CHMP6: variants seen among roughly 807,000 people sequenced by gnomAD.
The protein encoded by CHMP6 is charged multivesicular body protein 6.
A neutral mutation model predicts 32.8 loss-of-function variants in CHMP6; 10 were observed. That is an observed-to-expected ratio of 0.30 (90% confidence interval 0.19 to 0.52). The LOEUF (loss-of-function observed/expected upper bound fraction) is 0.52, where lower values mean the gene tolerates loss of function less well. CHMP6 is among the 20% of genes least tolerant of loss of function. The pLI, the probability that CHMP6 is intolerant of heterozygous loss-of-function variation, is 0.97. For synonymous variants in CHMP6, 123 were observed against 105.8 expected (o/e 1.16, Z -1.00); for missense variants, 269 against 263.8 (o/e 1.02, Z -0.14).
intron 1 of CHMP6, among the ~76,000 whole-genome samples, chr17:80,992,475 C>T (rs1022766596): frequency 1.3e-5 from 2 of 152,214 alleles, no homozygotes; most frequent in Admixed American, 6.5e-5. Flanking sequence ...CGAGGCAGCG[C>T]GGGGCATCCC....
chr17:80,992,917 G>T (rs2069605437), intron 1 of CHMP6, among the ~76,000 whole-genome samples: 1 of 152,214 alleles, frequency 6.6e-6, no homozygotes, highest in Admixed American at 6.5e-5. Flanking sequence ...GTAAATGAAA[G>T]AGGGAATCTT....
chr17:80,997,910 C>T (rs907160085), intron 6 of CHMP6, among the ~76,000 whole-genome samples: 2 of 152,226 alleles, frequency 1.3e-5, no homozygotes, highest in African/African-American at 2.4e-5. Context: ...CCTGAGGGTC[C>T]GAGTCCTCCG....
At chr17:80,997,145 C>T (rs1046676108) in intron 5 of CHMP6, 73 bp downstream of exon 5, 3 of 1,603,734 alleles carry the variant, frequency 1.9e-6, no homozygotes, top group Middle Eastern at 1.8e-4. Flanking sequence ...CCAAACTGTC[C>T]CACATCCTAG....
chr17:80,997,726 A>C (rs2069651538), intron 6 of CHMP6, among the ~76,000 whole-genome samples: 1 of 151,434 alleles, frequency 6.6e-6, no homozygotes, highest in Non-Finnish European at 1.5e-5. Context: ...CTGAGTCTGT[A>C]TTCACTCCCC....
Position 80,999,285 on chromosome 17 carries a change from C to G in CHMP6, c.*132C>G. 1.0e-6 allele frequency: 1 copy of G among 1,002,994 alleles called. No individual in the cohort carries two copies. The highest frequency in any genetic ancestry group is 1.5e-6 in the Non-Finnish European group (1 of 663,210). 62.1% of individuals were successfully genotyped at this position (1,002,994 alleles called of 1,614,324 possible). Reference sequence around the variant, plus strand: ...ACGGTGCTGAGCAGAGCTGCAGCCACGCAGGCGCATTGCAGGAGGACTCCA... The same window carrying G: ...ACGGTGCTGAGCAGAGCTGCAGCCAGGCAGGCGCATTGCAGGAGGACTCCA... On this transcript the variant is annotated 3_prime_UTR_variant, in exon 8 of 8. Coordinates refer to ENST00000325167, the MANE Select transcript of CHMP6 (RefSeq NM_024591.5).
At chr17:80,997,436 G>A (rs779233750) in intron 6 of CHMP6, 95 bp downstream of exon 6, 66 of 956,368 alleles carry the variant, frequency 6.9e-5, no homozygotes, top group Non-Finnish European at 1.0e-4. Flanking sequence ...GATCTCGTAT[G>A]TGGTGTCCTT....
chr17:80,992,648 C>T (rs1027356060), intron 1 of CHMP6, among the ~76,000 whole-genome samples: 3 of 152,156 alleles, frequency 2.0e-5, no homozygotes, highest in African/African-American at 7.2e-5. Flanking sequence ...TTGTTTGCGG[C>T]GACTCCAGAC....
At chr17:80,994,727 C>G in intron 2 of CHMP6, 37 bp downstream of exon 2, 1 of 1,348,864 alleles carries the variant, frequency 7.4e-7, no homozygotes, top group Non-Finnish European at 1.0e-6. Context: ...ACCCTGTCGG[C>G]TGGGGTGGGG....
chr17:80,992,517 A>G (rs2069601855), intron 1 of CHMP6, among the ~76,000 whole-genome samples: 1 of 152,164 alleles, frequency 6.6e-6, no homozygotes, highest in Non-Finnish European at 1.5e-5. Context: ...CCAGGACTGG[A>G]AGGAAGTCTG....
chr17:80,995,649 G>T (rs373125714), intron 3 of CHMP6, 23 bp from the exon 4 acceptor site: 2 of 1,610,794 alleles, frequency 1.2e-6, no homozygotes, highest in Non-Finnish European at 1.7e-6. Flanking sequence ...CAGCACCTGC[G>T]TCTGCTCTGG....
At chr17:80,997,629 C>T (rs1410177542) in intron 6 of CHMP6, among the ~76,000 whole-genome samples, 1 of 152,130 alleles carries the variant, frequency 6.6e-6, no homozygotes, top group Non-Finnish European at 1.5e-5. Flanking sequence ...GTGGTGCTGG[C>T]TTTCCCCAGC....
chr17:80,996,609 C>T (rs77146109), intron 4 of CHMP6, among the ~76,000 whole-genome samples: 4,345 of 152,338 alleles, frequency 0.029, 193 homozygotes, highest in African/African-American at 0.098. Flanking sequence ...GTCACCTGCC[C>T]AGAATGTTCT....
rs532852604 is a variant in CHMP6 at position 80,991,885 on chromosome 17, C to G, written c.-34C>G. On this transcript the variant is annotated 5_prime_UTR_variant, in exon 1 of 8. Transcript: ENST00000325167. ...CCGCGGGGCGGCGGTGGCGATTGGA[C>G]TTGGTGGGTCCCGGGCCAGGGGCGG... The G allele has an allele frequency of 2.5e-4, 357 of 1,400,426 alleles. 3 individuals carry two copies. The South Asian group carries it at 4.9e-3, about 19-fold the overall frequency. The allele number at this position is 1,400,426 out of a possible 1,614,324, so 86.7% of individuals were successfully genotyped here.
chr17:80,996,243 C>T (rs965405959), intron 4 of CHMP6, among the ~76,000 whole-genome samples: 5 of 151,688 alleles, frequency 3.3e-5, no homozygotes, highest in African/African-American at 2.4e-5. Context: ...TCTCTTGAAC[C>T]GGGAGGCAGA....
Position 80,993,264 on chromosome 17 carries a change from T to C in CHMP6, c.63+1283T>C, listed in dbSNP as rs879498952. Among the ~76,000 whole-genome samples the C allele has an allele frequency of 1.4e-4, 14 of 97,940 alleles. No homozygotes were observed. The East Asian group carries it at 2.1e-3, about 14-fold the overall frequency. The allele number at this position is 97,940 out of a possible 152,430, so 64.3% of individuals were successfully genotyped here. ...CCTTAGCACACACTAGCACAAATGA[T>C]TGCTTTTTTTTTTCTGTTTTTCTAG... On this transcript the variant is annotated intron_variant, in intron 1 of 7. Transcript: ENST00000325167.
intron 4 of CHMP6, among the ~76,000 whole-genome samples, chr17:80,996,331 A>G (rs1159250445): frequency 1.3e-5 from 2 of 151,588 alleles, no homozygotes; most frequent in African/African-American, 2.4e-5. Context: ...GGAAAAAAAA[A>G]AAAGAAGGCT....
chr17:80,992,009 T>C, intron 1 of CHMP6, 28 bp downstream of exon 1: 1 of 1,372,394 alleles, frequency 7.3e-7, no homozygotes, highest in Non-Finnish European at 9.5e-7. Flanking sequence ...GGGTCAGGGC[T>C]GGGGCCGGGA....
chr17:80,997,657 G>A (rs550722237), intron 6 of CHMP6, among the ~76,000 whole-genome samples: 1 of 151,994 alleles, frequency 6.6e-6, no homozygotes, highest in Admixed American at 6.6e-5. Flanking sequence ...GCTGACTCAC[G>A]TCCCACATAG....
In CHMP6 at chr17:80,991,907, G is replaced by A. The variant is rs563517986; in HGVS notation, c.-12G>A. Reference sequence around the variant, plus strand: ...GGACTTGGTGGGTCCCGGGCCAGGGGCGGGCGCCGCCATGGGTAACCTGTT... The same window carrying A: ...GGACTTGGTGGGTCCCGGGCCAGGGACGGGCGCCGCCATGGGTAACCTGTT... On this transcript the variant is annotated 5_prime_UTR_variant, in exon 1 of 8. Coordinates refer to ENST00000325167, the MANE Select transcript of CHMP6 (RefSeq NM_024591.5). The A allele has an allele frequency of 2.8e-6, 4 of 1,453,886 alleles. No homozygotes were observed. The highest frequency in any genetic ancestry group is 1.3e-5 in the South Asian group (1 of 76,628). The allele number at this position is 1,453,886 out of a possible 1,614,324, so 90.1% of individuals were successfully genotyped here.
Sources: gnomAD v4.1 joint callset for allele counts (sites outside exome capture counted in the v4.1 genomes callset) on GRCh38, gnomAD v4.1.1 for gene constraint, MANE v1.5 for transcripts, NCBI Gene and HGNC (gene_info 2026-07-23, HGNC 2026-07-21) for gene names.